Variants in BSDC1 observed in about 807,000 individuals in gnomAD.
BSDC1 encodes the protein BSD domain containing 1, also known as BSD domain-containing protein 1.
Under a neutral mutation model 56.0 loss-of-function variants are expected in BSDC1, and 29 were observed. The ratio of observed to expected loss-of-function variants is 0.52; its 90% CI spans 0.39 to 0.71. The LOEUF (loss-of-function observed/expected upper bound fraction) is 0.71, where lower values mean the gene tolerates loss of function less well. Ranked by LOEUF, BSDC1 falls within the 30% of genes least tolerant of loss-of-function variation. The probability of loss-of-function intolerance (pLI) is 0.00; values close to 1 mark genes in which losing one functional copy is unlikely to be tolerated. For missense variants in BSDC1, 477 were observed against 548.5 expected (o/e 0.87, Z 1.30); for synonymous variants, 210 against 215.3 (o/e 0.98, Z 0.21).
chr1:32,369,196 T>C, intron 9 of BSDC1: 1 of 1,182,194 alleles, frequency 8.5e-7, no homozygotes, highest in South Asian at 1.3e-5. Flanking sequence ...GGAGAAGAAC[T>C]TCACATCCAT....
intron 4 of BSDC1, 34 bp from the exon 5 acceptor site, chr1:32,381,302 C>A: frequency 6.2e-7 from 1 of 1,602,476 alleles, no homozygotes; most frequent in Non-Finnish European, 8.5e-7. Context: ...AACAGAAATT[C>A]TGAGATACTG....
chr1:32,372,773 G>A (rs141918004), intron 9 of BSDC1, among the ~76,000 whole-genome samples: 74 of 152,296 alleles, frequency 4.9e-4, no homozygotes, highest in Admixed American at 2.6e-3. Context: ...TTGTAGTGCT[G>A]TCACTCACAG....
intron 3 of BSDC1, among the ~76,000 whole-genome samples, chr1:32,386,085 T>A (rs905780093): frequency 1.3e-5 from 2 of 151,974 alleles, no homozygotes; most frequent in Non-Finnish European, 2.9e-5. Context: ...TTTGGGAGAT[T>A]GAGGTGGGCA....
chr1:32,381,331 T>C, intron 4 of BSDC1, 63 bp from the exon 5 acceptor site: 1 of 1,500,650 alleles, frequency 6.7e-7, no homozygotes, highest in Non-Finnish European at 9.2e-7. Context: ...AAGCACCCTT[T>C]CTCTGCCAGG....
At chr1:32,394,322 T>C in intron 1 of BSDC1, 82 bp downstream of exon 1, 2 of 1,605,702 alleles carry the variant, frequency 1.2e-6, no homozygotes, top group Admixed American at 3.3e-5. Flanking sequence ...TGATCTCACG[T>C]TCCCCACCGG....
intron 2 of BSDC1, among the ~76,000 whole-genome samples, chr1:32,390,019 A>G (rs1224665248): frequency 6.6e-6 from 1 of 151,776 alleles, no homozygotes; most frequent in Non-Finnish European, 1.5e-5. Flanking sequence ...AAGTGTTGAC[A>G]TGGGTTTAGT....
chr1:32,369,456 C>G (rs898222357), intron 9 of BSDC1: 26 of 386,168 alleles, frequency 6.7e-5, no homozygotes, highest in Non-Finnish European at 1.1e-4. Context: ...CTGCAGTGAG[C>G]TATGATCATG....
chr1:32,368,653 ATAC>A, intron 9 of BSDC1, 103 bp from the exon 10 acceptor site: 1 of 1,498,456 alleles, frequency 6.7e-7, no homozygotes, highest in Non-Finnish European at 9.0e-7. Context: ...GGTCTCACAA[ATAC>A]ACAAGTCTTT....
intron 8 of BSDC1, 96 bp from the exon 9 acceptor site, chr1:32,376,837 G>T: frequency 7.9e-7 from 1 of 1,263,154 alleles, no homozygotes; most frequent in Non-Finnish European, 1.0e-6. Flanking sequence ...AGTGTACTCT[G>T]ATCAAGACTC....
chr1:32,377,777 A>T (rs1277271973), intron 8 of BSDC1, among the ~76,000 whole-genome samples, 193 bp downstream of exon 8: 2 of 152,206 alleles, frequency 1.3e-5, no homozygotes, highest in Admixed American at 6.5e-5. Context: ...TGATTTCTGT[A>T]GCTAAATCGG....
At chr1:32,380,662 A>C (rs1642451554) in intron 5 of BSDC1, among the ~76,000 whole-genome samples, 1 of 152,020 alleles carries the variant, frequency 6.6e-6, no homozygotes, top group African/African-American at 2.4e-5. Flanking sequence ...AAACAAACAA[A>C]CAAACAAACA....
chr1:32,376,114 A>G, intron 9 of BSDC1, 148 bp downstream of exon 9: 1 of 794,286 alleles, frequency 1.3e-6, no homozygotes, highest in East Asian at 2.9e-5. Flanking sequence ...ATATGTTAGC[A>G]AATAGTCAAT....
intron 9 of BSDC1, among the ~76,000 whole-genome samples, chr1:32,371,895 A>G (rs6695544): frequency 0.076 from 11,631 of 152,150 alleles, 1,447 homozygotes; most frequent in African/African-American, 0.26. Context: ...TCTATTTATA[A>G]AATATGGATA....
intron 2 of BSDC1, among the ~76,000 whole-genome samples, chr1:32,388,707 C>A (rs960523596): frequency 2.0e-5 from 3 of 152,222 alleles, no homozygotes; most frequent in Non-Finnish European, 4.4e-5. Context: ...CTCCAGCTGG[C>A]CTTCCTCAAG....
chr1:32,393,401 T>C (rs893629371), intron 2 of BSDC1, among the ~76,000 whole-genome samples: 3 of 152,218 alleles, frequency 2.0e-5, no homozygotes, highest in African/African-American at 7.2e-5. Context: ...GTATGGCTCA[T>C]GCTCATCTCT....
In BSDC1 at chr1:32,371,456, G is replaced by A. The variant is rs186995248; in HGVS notation, c.1157-2906C>T. On this transcript the variant is annotated intron_variant, in intron 9 of 10. Coordinates refer to ENST00000455895, the MANE Select transcript of BSDC1 (RefSeq NM_018045.8). ...CTCCTGAGTAGCTGGGACTACAGGCGCCCGCCACCACGCCCGGCTAATTTT... is the reference window on the plus strand; with the variant it reads ...CTCCTGAGTAGCTGGGACTACAGGCACCCGCCACCACGCCCGGCTAATTTT... Among the ~76,000 whole-genome samples the A allele has an allele frequency of 3.5e-3, 536 of 151,672 alleles. 5 individuals carry two copies. The highest frequency in any genetic ancestry group is 3.7e-3 in the Non-Finnish European group (253 of 67,904).
chr1:32,381,564 A>C (rs563612933), intron 4 of BSDC1, among the ~76,000 whole-genome samples: 32 of 152,370 alleles, frequency 2.1e-4, no homozygotes, highest in African/African-American at 7.0e-4. Context: ...TGTAGTAAGT[A>C]AAATTTGAAA....
intron 9 of BSDC1, among the ~76,000 whole-genome samples, chr1:32,374,987 C>T (rs535888925): frequency 6.6e-6 from 1 of 152,200 alleles, no homozygotes; most frequent in Admixed American, 6.5e-5. Flanking sequence ...CCCATCTCTA[C>T]TAAAAATACA....
rs746752398 is a variant in BSDC1, at chr1:32,394,111, A to C, written c.41T>G (p.Leu14Arg). Residue 14 changes from leucine to arginine, a missense_variant, in exon 2 of 11, where the codon CTG becomes CGG. Physicochemically the swap from Leu to Arg is moderately radical, Grantham distance 102. Transcript: ENST00000455895. ...TTTGACTGCTTGGTAGCTCTGCTGCAGCCAGCTCCGCCACCATCCCACGTC... is the reference window on the plus strand; with the variant it reads ...TTTGACTGCTTGGTAGCTCTGCTGCCGCCAGCTCCGCCACCATCCCACGTC... ...GEDVGWWRSW[L>R]QQSYQAVKEK... 6.2e-7 allele frequency: 1 copy of C among 1,610,354 alleles called. No individual in the cohort carries two copies. Among genetic ancestry groups the C allele is most frequent in the Non-Finnish European group, 8.5e-7 (1 of 1,178,534 alleles).
Sources: gnomAD v4.1 joint callset for allele counts (sites outside exome capture counted in the v4.1 genomes callset) on GRCh38, gnomAD v4.1.1 for gene constraint, MANE v1.5 for transcripts, NCBI Gene and HGNC (gene_info 2026-07-23, HGNC 2026-07-21) for gene names.